PRDM15: variants seen among roughly 807,000 people sequenced by gnomAD.
PRDM15 encodes PR/SET domain 15, also known as PR domain zinc finger protein 15.
A neutral mutation model predicts 128.6 loss-of-function variants in PRDM15; 64 were observed. The observed-to-expected ratio is 0.50, with a 90% CI of 0.41 to 0.61. The LOEUF (loss-of-function observed/expected upper bound fraction) is 0.61. Ranked by LOEUF, PRDM15 falls within the 20% of genes least tolerant of loss-of-function variation. PRDM15 has a pLI of 0.00. For missense variants in PRDM15, 1,242 were observed against 1,569.1 expected (o/e 0.79, Z 3.52); for synonymous variants, 615 against 621.8 (o/e 0.99, Z 0.16).
intron 5 of PRDM15, among the ~76,000 whole-genome samples, chr21:41,850,311 C>G (rs1391351684): frequency 6.8e-6 from 1 of 146,238 alleles, no homozygotes; most frequent in Non-Finnish European, 1.5e-5. Flanking sequence ...TGGTGCCCCC[C>G]CAACACTCTC....
chr21:41,847,811 G>A (rs575983046), intron 5 of PRDM15, among the ~76,000 whole-genome samples: 17 of 152,356 alleles, frequency 1.1e-4, no homozygotes, highest in African/African-American at 3.6e-4. Context: ...GTAGGGGGCC[G>A]CTATCCCAGG....
chr21:41,816,837 A>G (rs979953639), intron 18 of PRDM15, among the ~76,000 whole-genome samples: 2 of 151,726 alleles, frequency 1.3e-5, no homozygotes, highest in African/African-American at 2.4e-5. Context: ...CTGCAGGCCT[A>G]TTACCAATGA....
chr21:41,842,982 A>G (rs112832599), intron 6 of PRDM15, among the ~76,000 whole-genome samples: 52 of 151,654 alleles, frequency 3.4e-4, no homozygotes, highest in Non-Finnish European at 6.6e-4. Flanking sequence ...ATGCGGTTTC[A>G]CCATAATGGC....
intron 1 of PRDM15, among the ~76,000 whole-genome samples, chr21:41,872,653 CTT>C (rs2064254328): frequency 6.6e-6 from 1 of 152,148 alleles, no homozygotes; most frequent in South Asian, 2.1e-4. Flanking sequence ...TGTATCATCT[CTT>C]TGTGTCGGAA....
chr21:41,820,268 G>A (rs1357680412), intron 16 of PRDM15, 94 bp from the exon 17 acceptor site: 3 of 927,866 alleles, frequency 3.2e-6, no homozygotes, highest in Non-Finnish European at 3.4e-6. Flanking sequence ...GCAAAGGTGA[G>A]GCAACAAGGT....
rs2061401530 is a variant in PRDM15 at position 41,801,019 on chromosome 21, C to T, written c.*221G>A. 2 of 542,374 alleles carry T rather than the reference C, an allele frequency of 3.7e-6. No individual in the cohort carries two copies. The highest frequency in any genetic ancestry group is 3.1e-6 in the Non-Finnish European group (1 of 323,570). The allele number at this position is 542,374 out of a possible 1,614,324, so 33.6% of individuals were successfully genotyped here. A position where few individuals can be genotyped will look rare whatever the true frequency, so the allele number is the denominator to read the frequency against. On this transcript the variant is annotated 3_prime_UTR_variant, in exon 24 of 24. Coordinates refer to ENST00000398548, the MANE Select transcript of PRDM15 (RefSeq NM_001040424.3). ...TGCCTTGGTAAGGCATGGTGTGGAG[C>T]CCCATCCAGTTTAAAACTCTGGCCT...
At position 41,820,135 on chromosome 21, in the gene PRDM15, G is replaced by A; in HGVS notation, c.2100C>T (p.Asn700=). 1.2e-6 allele frequency: 2 copies of A among 1,613,924 alleles called. No homozygotes were observed. The highest frequency in any genetic ancestry group is 1.7e-6 in the Non-Finnish European group (2 of 1,179,886). ...TGTGGCGCTCCAGGTTCCCGATGCT[G>A]TTGAAGATCCGCCCGCAGATCTCGC... ...HPCEICGRIF[N]SIGNLERHKL... is the part of the protein sequence containing the mutation. Residue 700 remains asparagine (N), a synonymous_variant, in exon 17 of 24, where the codon AAC becomes AAT. Coordinates refer to ENST00000398548, the MANE Select transcript of PRDM15 (RefSeq NM_001040424.3).
chr21:41,829,733 A>G (rs2062616678), intron 11 of PRDM15, among the ~76,000 whole-genome samples: 2 of 151,330 alleles, frequency 1.3e-5, no homozygotes, highest in Non-Finnish European at 2.9e-5. Context: ...CCCCACATAA[A>G]TGCACTATAC....
intron 11 of PRDM15, among the ~76,000 whole-genome samples, chr21:41,830,189 AAC>A (rs1381449903): frequency 5.4e-5 from 8 of 148,790 alleles, no homozygotes; most frequent in Non-Finnish European, 7.5e-5. Context: ...ACATACCCCC[AAC>A]ACAAATACAC....
Position 41,826,061 on chromosome 21 carries a change from T to C in PRDM15, c.1535-7A>G, listed in dbSNP as rs2062459219. On this transcript the variant is annotated splice_polypyrimidine_tract_variant and splice_region_variant and intron_variant, in intron 12 of 23. Transcript: ENST00000398548. ...CGCTTCACTCGCCGCACTCCTGAAA[T>C]TGCCAACCCCACCAGCAAGACAGTG... is the stretch of plus-strand genomic sequence containing the variant. 2 of 1,612,064 alleles carry C rather than the reference T, an allele frequency of 1.2e-6. No homozygotes were observed. The highest frequency in any genetic ancestry group is 1.3e-5 in the African/African-American group (1 of 74,836).
chr21:41,806,105 T>C (rs62643398), intron 21 of PRDM15, among the ~76,000 whole-genome samples: 851 of 4,652 alleles, frequency 0.18, 1 homozygote, highest in East Asian at 0.24. Context: ...ACCACCACCA[T>C]CACCACCACC....
Position 41,862,113 on chromosome 21 carries a change from G to T in PRDM15, c.-9-1741C>A. Reference sequence around the variant, plus strand: ...ACAAAGGGCAGAAGAAACCCAGAGTGGGGTGGGGAGGGCGCACGCTTTCAT... The same window carrying T: ...ACAAAGGGCAGAAGAAACCCAGAGTTGGGTGGGGAGGGCGCACGCTTTCAT... On this transcript the variant is annotated intron_variant, in intron 1 of 23. Coordinates refer to ENST00000398548, the MANE Select transcript of PRDM15 (RefSeq NM_001040424.3). This position sits in a 1 kb window ranked among gnomAD's most constrained non-coding sequence, Gnocchi z 4.1. The T allele has an allele frequency of 1.3e-6, 1 of 782,894 alleles. No individual in the cohort carries two copies. Among genetic ancestry groups the T allele is most frequent in the East Asian group, 2.7e-5 (1 of 37,336 alleles). 48.5% of individuals were successfully genotyped at this position (782,894 alleles called of 1,614,324 possible).
chr21:41,819,449 C>CACAGGTACTCGCGGA, intron 18 of PRDM15, 133 bp downstream of exon 18: 1 of 1,021,916 alleles, frequency 9.8e-7, no homozygotes, highest in Non-Finnish European at 1.4e-6. Context: ...CACACTCGGC[C>CACAGGTACTCGCGGA]CGTGGCCCCG....
Position 41,828,053 on chromosome 21 carries a change from G to T in PRDM15, c.1534+113C>A. On this transcript the variant is annotated intron_variant, in intron 12 of 23. Coordinates refer to ENST00000398548, the MANE Select transcript of PRDM15 (RefSeq NM_001040424.3). The surrounding 1 kb of genome is among the most constrained non-coding windows in gnomAD (Gnocchi z 5.7). The stretch of plus-strand genomic sequence containing the variant: ...ATGGCGGGCGTTTCCAGGCAAAGGA[G>T]CAGGCGGCACCGAACTGCTCCCCAA... The T allele has an allele frequency of 9.5e-7, 1 of 1,055,536 alleles. No individual in the cohort carries two copies. The highest frequency in any genetic ancestry group is 1.4e-6 in the Non-Finnish European group (1 of 713,522). The allele number at this position is 1,055,536 out of a possible 1,614,324, so 65.4% of individuals were successfully genotyped here. A position where few individuals can be genotyped will look rare whatever the true frequency, so the allele number is the denominator to read the frequency against.
chr21:41,835,600 C>T (rs1004113655), intron 10 of PRDM15, 76 bp from the exon 11 acceptor site: 35 of 1,207,458 alleles, frequency 2.9e-5, no homozygotes, highest in Non-Finnish European at 3.7e-5. Flanking sequence ...ACGTGCTGCC[C>T]GGGCGACTCC....
chr21:41,852,459 C>T (rs192549496), intron 5 of PRDM15, among the ~76,000 whole-genome samples: 1 of 152,378 alleles, frequency 6.6e-6, no homozygotes, highest in East Asian at 1.9e-4. Context: ...CAGCAGGCAC[C>T]ACCACAGGGG....
rs1474006528 is a variant in PRDM15, at chr21:41,821,039, A to G, written c.2060+28T>C. 6.2e-7 allele frequency: 1 copy of G among 1,613,972 alleles called. No individual in the cohort carries two copies. Among genetic ancestry groups the G allele is most frequent in the South Asian group, 1.1e-5 (1 of 91,058 alleles). On this transcript the variant is annotated intron_variant, in intron 16 of 23. Transcript: ENST00000398548. The surrounding 1 kb of genome is among the most constrained non-coding windows in gnomAD (Gnocchi z 5.4). ...AAGCATGTCCCCTCTCTCCTGACAC[A>G]ACCCGGGAGCCCCCGACCAGGCCTC...
At chr21:41,867,233 G>A (rs901948815) in intron 1 of PRDM15, 18 of 1,224,110 alleles carry the variant, frequency 1.5e-5, no homozygotes, top group African/African-American at 3.0e-5. Context: ...CCTCTGCTGC[G>A]CCGGTAGTCA....
intron 17 of PRDM15, 151 bp downstream of exon 17, chr21:41,819,944 T>C: frequency 1.3e-6 from 1 of 785,066 alleles, no homozygotes; most frequent in Non-Finnish European, 2.1e-6. Flanking sequence ...GCAGGGCTGA[T>C]AAGGACGGGA....
Sources: gnomAD v4.1 joint callset for allele counts (sites outside exome capture counted in the v4.1 genomes callset) on GRCh38, gnomAD v4.1.1 for gene constraint, Gnocchi (gnomAD v3.1) non-coding constraint, MANE v1.5 for transcripts, NCBI Gene and HGNC (gene_info 2026-07-23, HGNC 2026-07-21) for gene names.